The following FKTN variants were observed in gnomAD, a reference collection of about 807,000 sequenced individuals.
The protein encoded by FKTN is ribitol-5-phosphate transferase FKTN.
FKTN carries 47 observed loss-of-function variants against 58.6 expected under a neutral mutation model. That is an observed-to-expected ratio of 0.80 (90% CI 0.63 to 1.02). FKTN has a LOEUF of 1.02. Among genes scored for constraint, FKTN ranks in the 50% least tolerant of loss-of-function variants. The pLI, the probability that FKTN is intolerant of heterozygous loss-of-function variation, is 0.00. For synonymous variants in FKTN, 178 were observed against 191.9 expected (o/e 0.93, Z 0.60); for missense variants, 516 against 537.3 (o/e 0.96, Z 0.39).
chr9:105,589,926 T>C (rs1844566620), intron 3 of FKTN, among the ~76,000 whole-genome samples: 1 of 152,120 alleles, frequency 6.6e-6, no homozygotes, highest in African/African-American at 2.4e-5. Context: ...GGGAGAATAG[T>C]AGGTAAGGTT....
intron 3 of FKTN, among the ~76,000 whole-genome samples, chr9:105,583,668 A>G (rs573688633): frequency 6.6e-6 from 1 of 152,244 alleles, no homozygotes; most frequent in Non-Finnish European, 1.5e-5. Flanking sequence ...TTAACTTTAT[A>G]TTCATGATGT....
intron 7 of FKTN, among the ~76,000 whole-genome samples, chr9:105,611,246 A>T (rs1254016997): frequency 6.6e-6 from 1 of 152,164 alleles, no homozygotes; most frequent in African/African-American, 2.4e-5. Flanking sequence ...AACAGGAAAA[A>T]TTAAATAAAC....
At chr9:105,634,969 C>A in intron 10 of FKTN, 82 bp from the exon 11 acceptor site, 3 of 1,093,518 alleles carry the variant, frequency 2.7e-6, no homozygotes, top group Non-Finnish European at 4.3e-6. Flanking sequence ...CACTGTCCTT[C>A]AGCCAATAAT....
At chr9:105,585,109 G>T (rs1483123904) in intron 3 of FKTN, among the ~76,000 whole-genome samples, 1 of 143,026 alleles carries the variant, frequency 7.0e-6, no homozygotes, top group Non-Finnish European at 1.6e-5. Flanking sequence ...GTTTCTCTAT[G>T]CCAGTAGGAA....
intron 10 of FKTN, among the ~76,000 whole-genome samples, chr9:105,627,620 A>G (rs1412221639): frequency 4.6e-5 from 7 of 152,186 alleles, no homozygotes; most frequent in Admixed American, 4.6e-4. Context: ...TAGTAATACT[A>G]GATTATCATA....
chr9:105,624,181 T>C (rs1832431200), intron 10 of FKTN: 2 of 152,228 alleles, frequency 1.3e-5, no homozygotes, highest in South Asian at 4.1e-4. Context: ...CTTAGTTTGC[T>C]ATATCATACT....
rs767026996 is a variant in FKTN at position 105,604,227 on chromosome 9, C to T, written c.382C>T (p.Arg128Trp). ...HLWKNEEGWF[R>W]IAENMGFQCL... The stretch of plus-strand genomic sequence containing the variant: ...TCTTTGGTTCTAGGAAGGCTGGTTT[C>T]GGATAGCTGAGAATATGGGATTTCA... Residue 128 changes from arginine (R) to tryptophan (W), a missense_variant, in exon 6 of 11, where the codon CGG becomes TGG. Coordinates refer to ENST00000357998, the MANE Select transcript of FKTN (RefSeq NM_001079802.2). 2.1e-5 allele frequency: 34 copies of T among 1,612,354 alleles called. 1 individual carries two copies. Among genetic ancestry groups the T allele is most frequent in the South Asian group, 1.4e-4 (13 of 91,004 alleles).
At chr9:105,589,397 G>A (rs1278922861) in intron 3 of FKTN, among the ~76,000 whole-genome samples, 2 of 151,678 alleles carry the variant, frequency 1.3e-5, no homozygotes, top group Admixed American at 1.3e-4. Flanking sequence ...AGCTATTCAG[G>A]AAGCTGAGGC....
At chr9:105,582,546 C>T (rs1843192867) in intron 3 of FKTN, among the ~76,000 whole-genome samples, 1 of 152,120 alleles carries the variant, frequency 6.6e-6, no homozygotes, top group South Asian at 2.1e-4. Context: ...CCCATACAAA[C>T]CACCCAATAT....
At position 105,635,581 on chromosome 9, in the gene FKTN, C is replaced by G; in HGVS notation, c.*317C>G. ...CCCCACCCTTTGAAGAGTTCAAGTT[C>G]TGTACAGGTTTTTAAAACGTGAAGT... On this transcript the variant is annotated 3_prime_UTR_variant, in exon 11 of 11. Transcript: ENST00000357998. 1 of 1,219,660 alleles carries G rather than the reference C, an allele frequency of 8.2e-7. No homozygotes were observed. The highest frequency in any genetic ancestry group is 1.7e-5 in the South Asian group (1 of 57,574). The allele number at this position is 1,219,660 out of a possible 1,614,324, so 75.6% of individuals were successfully genotyped here.
chr9:105,630,961 C>A (rs1363258964), intron 10 of FKTN, among the ~76,000 whole-genome samples: 1 of 151,846 alleles, frequency 6.6e-6, no homozygotes, highest in Admixed American at 6.6e-5. Flanking sequence ...GGTGATACCC[C>A]AACTCTACTA....
Position 105,576,247 on chromosome 9 carries a change from G to A in FKTN, c.105+1110G>A, listed in dbSNP as rs150162187. On this transcript the variant is annotated intron_variant, in intron 3 of 10. Transcript: ENST00000357998. ...TTAGTTACATATGTATACATTTGCC[G>A]TGCTGGTGTGCTGCACCCACTAACT... 6.8e-4 allele frequency among the ~76,000 whole-genome samples: 101 copies of A among 148,472 alleles called. 1 individual carries two copies. Among genetic ancestry groups the A allele is most frequent in the African/African-American group, 2.1e-3 (86 of 40,070 alleles).
In FKTN at chr9:105,640,823, G is replaced by A. The variant is rs1834372719; in HGVS notation, c.*5559G>A. Reference sequence around the variant, plus strand: ...TAACAGGATTTTACAGCCTTCTGATGATTCATTCAAAGCATGGGGAATAGT... The same window carrying A: ...TAACAGGATTTTACAGCCTTCTGATAATTCATTCAAAGCATGGGGAATAGT... On this transcript the variant is annotated 3_prime_UTR_variant, in exon 11 of 11. Transcript: ENST00000357998. 6.6e-6 allele frequency: 1 copy of A among 152,088 alleles called. No homozygotes were observed. The highest frequency in any genetic ancestry group is 2.4e-5 in the African/African-American group (1 of 41,414). 9.4% of individuals were successfully genotyped at this position (152,088 alleles called of 1,614,324 possible).
chr9:105,581,432 G>A (rs1309435617), intron 3 of FKTN, among the ~76,000 whole-genome samples: 4 of 149,614 alleles, frequency 2.7e-5, no homozygotes, highest in African/African-American at 5.0e-5. Flanking sequence ...TGCCTTGTGA[G>A]GTGTCAGTGT....
intron 1 of FKTN, among the ~76,000 whole-genome samples, chr9:105,569,453 A>G (rs1840343274): frequency 6.6e-6 from 1 of 152,114 alleles, no homozygotes; most frequent in African/African-American, 2.4e-5. Flanking sequence ...ACATCTTGAC[A>G]CATAGTAAAT....
At chr9:105,614,710 G>A (rs1830494313) in intron 7 of FKTN, among the ~76,000 whole-genome samples, 1 of 152,120 alleles carries the variant, frequency 6.6e-6, no homozygotes, top group Non-Finnish European at 1.5e-5. Context: ...CTGATAAAAG[G>A]ATGTCTCATC....
At chr9:105,617,922 C>A (rs531005947) in intron 8 of FKTN, 37 bp from the exon 9 acceptor site, 2 of 1,392,424 alleles carry the variant, frequency 1.4e-6, no homozygotes, top group South Asian at 1.3e-5. Context: ...TTTTTCCAAA[C>A]CTAAATTTTG....
At chr9:105,596,964 G>A (rs113102223) in intron 4 of FKTN, among the ~76,000 whole-genome samples, 1 of 152,138 alleles carries the variant, frequency 6.6e-6, no homozygotes, top group African/African-American at 2.4e-5. Context: ...CACATTCACT[G>A]AGCTATGGTG....
chr9:105,568,265 T>A (rs527732447), intron 1 of FKTN, among the ~76,000 whole-genome samples: 35 of 152,220 alleles, frequency 2.3e-4, no homozygotes, highest in African/African-American at 8.2e-4. Flanking sequence ...CCAAAAGCAA[T>A]GGCAACAAAA....
Sources: gnomAD v4.1 joint callset for allele counts (sites outside exome capture counted in the v4.1 genomes callset) on GRCh38, gnomAD v4.1.1 for gene constraint, MANE v1.5 for transcripts, NCBI Gene and HGNC (gene_info 2026-07-23, HGNC 2026-07-21) for gene names.